The following RYR2 variants were observed in gnomAD, a reference collection of about 807,000 sequenced individuals.
The protein encoded by RYR2 is ryanodine receptor 2.
A neutral mutation model predicts 601.1 loss-of-function variants in RYR2; 227 were observed. That is an observed-to-expected ratio of 0.38 (90% CI 0.34 to 0.42). The LOEUF (loss-of-function observed/expected upper bound fraction) is 0.42, where lower values mean the gene tolerates loss of function less well. RYR2 is among the 10% of genes least tolerant of loss of function. The probability of loss-of-function intolerance (pLI) is 1.00; values close to 1 mark genes in which losing one functional copy is unlikely to be tolerated. For missense variants in RYR2, 4,646 were observed against 6,156.5 expected, an observed-to-expected ratio of 0.75 and a Z score of 8.21; for synonymous variants, 2,223 against 2,175.1, an observed-to-expected ratio of 1.02 and a Z score of -0.61.
intron 3 of RYR2, among the ~76,000 whole-genome samples, chr1:237,337,491 T>TTA (rs1697356047): frequency 6.6e-6 from 1 of 152,166 alleles, no homozygotes; most frequent in Non-Finnish European, 1.5e-5. Context: ...AGCTCATAGA[T>TTA]TATAGTACAA....
intron 3 of RYR2, among the ~76,000 whole-genome samples, chr1:237,354,755 T>A (rs915896398): frequency 1.3e-5 from 2 of 152,182 alleles, no homozygotes; most frequent in African/African-American, 4.8e-5. Flanking sequence ...ATCAGGCCTT[T>A]CTGTTCAGTC....
chr1:237,275,333 C>T (rs1690158748), intron 2 of RYR2, among the ~76,000 whole-genome samples: 1 of 151,866 alleles, frequency 6.6e-6, no homozygotes, highest in South Asian at 2.1e-4. Flanking sequence ...AAAGCCAAAT[C>T]TAACACTATG....
At chr1:237,695,516 G>A (rs1242737597) in intron 63 of RYR2, among the ~76,000 whole-genome samples, 1 of 152,160 alleles carries the variant, frequency 6.6e-6, no homozygotes, top group Non-Finnish European at 1.5e-5. Flanking sequence ...AATCAATTAT[G>A]TAAACTTAAG....
intron 24 of RYR2, among the ~76,000 whole-genome samples, chr1:237,515,667 C>A: frequency 5.5e-5 from 1 of 18,098 alleles, no homozygotes. Flanking sequence ...CTTCCCCTCC[C>A]TTTTTTTCCT....
chr1:237,588,766 G>A (rs758956931), intron 29 of RYR2, among the ~76,000 whole-genome samples: 9 of 152,086 alleles, frequency 5.9e-5, no homozygotes, highest in Non-Finnish European at 1.2e-4. Context: ...TTGGGAGGCG[G>A]AGGTTGCAGT....
At chr1:237,154,659 A>G (rs944414382) in intron 1 of RYR2, among the ~76,000 whole-genome samples, 2 of 152,194 alleles carry the variant, frequency 1.3e-5, no homozygotes, top group Non-Finnish European at 2.9e-5. Flanking sequence ...AAAAAAATGT[A>G]GTTTTTAAAC....
At chr1:237,547,143 T>TTACAGGCACCCGCCACCACA (rs1669912765) in intron 25 of RYR2, among the ~76,000 whole-genome samples, 2 of 151,594 alleles carry the variant, frequency 1.3e-5, no homozygotes, top group African/African-American at 4.8e-5. Flanking sequence ...ATAGCTGGGA[T>TTACAGGCACCCGCCACCACA]TACAGGCACC....
chr1:237,163,355 A>ACCCCCCCCCCCCCCCCCC (rs67343728), intron 1 of RYR2, among the ~76,000 whole-genome samples: 3 of 90,280 alleles, frequency 3.3e-5, no homozygotes, highest in African/African-American at 1.2e-4. Context: ...CCAACCCCCT[A>ACCCCCCCCCCCCCCCCCC]CCCCCCCCAC....
intron 1 of RYR2, among the ~76,000 whole-genome samples, chr1:237,101,293 AG>A (rs1668065238): frequency 8.9e-6 from 1 of 112,420 alleles, no homozygotes; most frequent in African/African-American, 3.1e-5. Flanking sequence ...ACTACTTTTT[AG>A]AAGTTAAAAA....
At position 237,726,791 on chromosome 1, in the gene RYR2, G is replaced by T. The variant is rs74149914; in HGVS notation, c.10726-296G>T. Among the ~76,000 whole-genome samples, 7,739 of 152,084 alleles carry T rather than the reference G, an allele frequency of 0.051. 625 individuals are homozygous for T. The highest frequency in any genetic ancestry group is 0.18 in the African/African-American group (7,345 of 41,492). ...ATATGGAATGATTTTCTATTTCTTTGATTTTAGAGGTGACATAGCTTTGAA... is the reference window on the plus strand; with the variant it reads ...ATATGGAATGATTTTCTATTTCTTTTATTTTAGAGGTGACATAGCTTTGAA... On this transcript the variant is annotated intron_variant, in intron 75 of 104. Transcript: ENST00000366574.
intron 17 of RYR2, among the ~76,000 whole-genome samples, chr1:237,474,199 A>G (rs1558879903): frequency 1.9e-5 from 2 of 107,706 alleles, no homozygotes; most frequent in Non-Finnish European, 4.4e-5. Flanking sequence ...ACGTGTGTAT[A>G]TATGTGTGTG....
chr1:237,620,884 T>C (rs542204839), intron 38 of RYR2, among the ~76,000 whole-genome samples: 1 of 152,274 alleles, frequency 6.6e-6, no homozygotes, highest in South Asian at 2.1e-4. Context: ...AAATCAGCTA[T>C]GACACGGAAA....
At chr1:237,513,274 C>T (rs1293727123) in intron 24 of RYR2, among the ~76,000 whole-genome samples, 1 of 152,210 alleles carries the variant, frequency 6.6e-6, no homozygotes, top group African/African-American at 2.4e-5. Flanking sequence ...AGTAACTTTA[C>T]TCTTGTCCTC....
chr1:237,481,716 A>G (rs1662111298), intron 17 of RYR2, among the ~76,000 whole-genome samples: 1 of 151,726 alleles, frequency 6.6e-6, no homozygotes, highest in South Asian at 2.1e-4. Flanking sequence ...GTGCCTTTAC[A>G]GAACCCTCTC....
At chr1:237,057,109 AC>A (rs1263108399) in intron 1 of RYR2, among the ~76,000 whole-genome samples, 2 of 152,140 alleles carry the variant, frequency 1.3e-5, no homozygotes, top group Non-Finnish European at 2.9e-5. Flanking sequence ...TGATTGAGAA[AC>A]CACAAAAATG....
chr1:237,336,377 G>A (rs976225958), intron 3 of RYR2, among the ~76,000 whole-genome samples: 1 of 152,076 alleles, frequency 6.6e-6, no homozygotes, highest in Non-Finnish European at 1.5e-5. Flanking sequence ...TGATTTTTAT[G>A]TTTCAGTTTA....
chr1:237,535,875 GA>G (rs1400965009), intron 25 of RYR2, among the ~76,000 whole-genome samples: 2 of 152,118 alleles, frequency 1.3e-5, no homozygotes, highest in East Asian at 1.9e-4. Flanking sequence ...TAATTCATAA[GA>G]TTTTTTTATT....
chr1:237,353,185 T>C (rs1699008595), intron 3 of RYR2, among the ~76,000 whole-genome samples: 1 of 151,230 alleles, frequency 6.6e-6, no homozygotes, highest in East Asian at 2.0e-4. Context: ...GTTAATCAAT[T>C]TGAAAGAAGC....
At chr1:237,147,361 G>T (rs1674119104) in intron 1 of RYR2, among the ~76,000 whole-genome samples, 1 of 152,042 alleles carries the variant, frequency 6.6e-6, no homozygotes. Flanking sequence ...ACCTGTTCTG[G>T]TAATACCAAC....
Sources: allele counts gnomAD v4.1 joint callset (sites outside exome capture counted in the v4.1 genomes callset), GRCh38; gene constraint gnomAD v4.1.1; transcripts MANE v1.5; gene names NCBI Gene and HGNC (gene_info 2026-07-23, HGNC 2026-07-21).